INPP4B: variants seen among roughly 807,000 people sequenced by gnomAD.
INPP4B encodes inositol polyphosphate 4-phosphatase type II.
Under a neutral mutation model 122.5 loss-of-function variants are expected in INPP4B, and 55 were observed. That is an observed-to-expected ratio of 0.45 (90% CI 0.36 to 0.56). The LOEUF (loss-of-function observed/expected upper bound fraction) is 0.56, where lower values mean the gene tolerates loss of function less well. Among genes scored for constraint, INPP4B ranks in the 20% least tolerant of loss-of-function variants. The pLI, the probability that INPP4B is intolerant of heterozygous loss-of-function variation, is 0.00. For missense variants in INPP4B, 1,000 were observed against 1,097.7 expected, an observed-to-expected ratio of 0.91 and a Z score of 1.26; for synonymous variants, 403 against 388.7, an observed-to-expected ratio of 1.04 and a Z score of -0.43.
chr4:142,573,195 G>A (rs1042807233), intron 2 of INPP4B, among the ~76,000 whole-genome samples: 2 of 151,852 alleles, frequency 1.3e-5, no homozygotes, highest in South Asian at 2.1e-4. Context: ...ACCAGATCTC[G>A]CTATCACAAG....
At chr4:142,263,581 G>C (rs1348364670) in intron 10 of INPP4B, among the ~76,000 whole-genome samples, 3 of 140,740 alleles carry the variant, frequency 2.1e-5, no homozygotes, top group Non-Finnish European at 4.6e-5. Context: ...AAATAGTTTT[G>C]TCTCATGAAG....
chr4:142,349,103 T>C (rs1231874923), intron 7 of INPP4B, among the ~76,000 whole-genome samples: 1 of 152,034 alleles, frequency 6.6e-6, no homozygotes, highest in African/African-American at 2.4e-5. Flanking sequence ...GTAGCCAAGA[T>C]CATCATGGCA....
intron 1 of INPP4B, among the ~76,000 whole-genome samples, chr4:142,737,263 G>T (rs1303866493): frequency 1.3e-5 from 2 of 152,052 alleles, no homozygotes; most frequent in African/African-American, 2.4e-5. Context: ...CCAAAACAGA[G>T]ATATAGACCA....
intron 17 of INPP4B, among the ~76,000 whole-genome samples, chr4:142,153,691 CTG>C (rs1815618561): frequency 6.6e-6 from 1 of 152,066 alleles, no homozygotes; most frequent in South Asian, 2.1e-4. Context: ...GGAGGATGAG[CTG>C]TTGATATCAG....
intron 11 of INPP4B, among the ~76,000 whole-genome samples, chr4:142,249,348 TA>T (rs1249767480): frequency 2.6e-5 from 4 of 152,144 alleles, no homozygotes; most frequent in Non-Finnish European, 5.9e-5. Flanking sequence ...AAGTACTCTG[TA>T]GAATTATATA....
Position 142,409,653 on chromosome 4 carries a change from C to T in INPP4B, c.137-4329G>A, listed in dbSNP as rs116702423. On this transcript the variant is annotated intron_variant, in intron 5 of 25. Coordinates refer to ENST00000262992, the MANE Select transcript of INPP4B (RefSeq NM_001101669.3). ...GCTTACACTATGTCATAAGATGGAA[C>T]CTCTATACAAAGTCATTGCCTGAAA... Among the ~76,000 whole-genome samples the T allele has an allele frequency of 4.5e-3, 690 of 152,182 alleles. 4 individuals carry two copies. Among genetic ancestry groups the T allele is most frequent in the African/African-American group, 0.016 (676 of 41,532 alleles).
At chr4:142,531,453 A>G (rs1827604043) in intron 2 of INPP4B, among the ~76,000 whole-genome samples, 1 of 152,168 alleles carries the variant, frequency 6.6e-6, no homozygotes, top group Non-Finnish European at 1.5e-5. Flanking sequence ...ATATGTAATC[A>G]AAACATGCTT....
intron 23 of INPP4B, among the ~76,000 whole-genome samples, chr4:142,087,342 T>A (rs988922722): frequency 3.3e-5 from 5 of 152,222 alleles, no homozygotes; most frequent in Non-Finnish European, 7.3e-5. Context: ...TTGCTCAGAT[T>A]TCTGCATACT....
At chr4:142,094,202 T>C (rs1780834746) in intron 23 of INPP4B, among the ~76,000 whole-genome samples, 1 of 152,140 alleles carries the variant, frequency 6.6e-6, no homozygotes, top group Admixed American at 6.5e-5. Flanking sequence ...GCACAGACGA[T>C]AGAGCAGAGT....
At chr4:142,768,970 T>C (rs1170597127) in intron 1 of INPP4B, among the ~76,000 whole-genome samples, 1 of 152,184 alleles carries the variant, frequency 6.6e-6, no homozygotes, top group Admixed American at 6.5e-5. Context: ...ACAGAAAGGA[T>C]CAGATGGTAT....
chr4:142,265,007 A>G (rs1021674151), intron 10 of INPP4B, among the ~76,000 whole-genome samples: 2 of 137,836 alleles, frequency 1.5e-5, no homozygotes, highest in Non-Finnish European at 3.1e-5. Flanking sequence ...TCCCTCCCCC[A>G]CTTCCCCTTC....
intron 2 of INPP4B, among the ~76,000 whole-genome samples, chr4:142,593,089 G>A (rs1236339418): frequency 6.7e-6 from 1 of 150,016 alleles, no homozygotes. Context: ...GGGTGATACA[G>A]TGAGATCCTG....
chr4:142,267,427 C>T (rs1743350766), intron 10 of INPP4B, among the ~76,000 whole-genome samples: 1 of 152,056 alleles, frequency 6.6e-6, no homozygotes, highest in South Asian at 2.1e-4. Flanking sequence ...ATGGGCAATT[C>T]GTTTTCAACA....
chr4:142,082,200 A>AGAAC lies in INPP4B; in HGVS notation c.2488-19_2488-16dup, dbSNP rs1271898904. ...TTGCGGCAAATCTGTAACATATGTA[A>AGAAC]GAACGAACGTTTCTTGTTCATTTGT... On this transcript the variant is annotated splice_polypyrimidine_tract_variant and intron_variant, in intron 24 of 25. Transcript: ENST00000262992. The AGAAC allele has an allele frequency of 6.7e-7, 1 of 1,492,936 alleles. No individual in the cohort carries two copies. The highest frequency in any genetic ancestry group is 9.1e-7 in the Non-Finnish European group (1 of 1,097,814). 92.5% of individuals were successfully genotyped at this position (1,492,936 alleles called of 1,614,324 possible). A position where few individuals can be genotyped will look rare whatever the true frequency, so the allele number is the denominator to read the frequency against.
intron 9 of INPP4B, among the ~76,000 whole-genome samples, chr4:142,281,950 A>T (rs776133953): frequency 1.3e-5 from 2 of 152,120 alleles, no homozygotes; most frequent in Non-Finnish European, 2.9e-5. Context: ...TAATTTACAA[A>T]TATTTATTAA....
chr4:142,188,059 A>G (rs1364271653), intron 15 of INPP4B, among the ~76,000 whole-genome samples: 1 of 152,226 alleles, frequency 6.6e-6, no homozygotes, highest in East Asian at 1.9e-4. Context: ...GAATATTACA[A>G]GTATGATTTT....
chr4:142,188,451 C>T (rs1310411185), intron 15 of INPP4B, among the ~76,000 whole-genome samples: 1 of 126,606 alleles, frequency 7.9e-6, no homozygotes, highest in Non-Finnish European at 1.6e-5. Flanking sequence ...CGCACCACTG[C>T]ACTCCAGCCT....
At chr4:142,091,314 T>C (rs569599414) in intron 23 of INPP4B, among the ~76,000 whole-genome samples, 2 of 152,318 alleles carry the variant, frequency 1.3e-5, no homozygotes, top group African/African-American at 4.8e-5. Context: ...CTTTGACGTG[T>C]AGTCTTAGGC....
At chr4:142,383,394 C>T (rs777149747) in intron 7 of INPP4B, among the ~76,000 whole-genome samples, 42 of 152,216 alleles carry the variant, frequency 2.8e-4, no homozygotes, top group Non-Finnish European at 6.2e-4. Context: ...ATAAAAGGTG[C>T]TTGAAAGAAT....
Sources: gnomAD v4.1 joint callset for allele counts (sites outside exome capture counted in the v4.1 genomes callset) on GRCh38, gnomAD v4.1.1 for gene constraint, MANE v1.5 for transcripts, NCBI Gene and HGNC (gene_info 2026-07-23, HGNC 2026-07-21) for gene names.